MAP2: variants seen among roughly 807,000 people sequenced by gnomAD.
MAP2 encodes microtubule-associated protein 2.
In MAP2, 14 loss-of-function variants were observed where a neutral mutation model predicts 137.6. The ratio of observed to expected loss-of-function variants is 0.10; its 90% confidence interval spans 0.07 to 0.16. The LOEUF (loss-of-function observed/expected upper bound fraction) is 0.16, where lower values mean the gene tolerates loss of function less well. Among genes scored for constraint, MAP2 ranks in the 10% least tolerant of loss-of-function variants. MAP2 has a pLI of 1.00. For missense variants in MAP2, 2,088 were observed against 2,191.5 expected (o/e 0.95, Z 0.94); for synonymous variants, 786 against 782.3 (o/e 1.00, Z -0.08).
rs950277738 is a variant in MAP2, at chr2:209,502,928, C to A, written c.-221-4664C>A. Among the ~76,000 whole-genome samples the A allele has an allele frequency of 3.3e-5, 5 of 151,636 alleles. No individual in the cohort carries two copies. In the East Asian group the frequency reaches 9.7e-4, roughly 29 times the overall value. On this transcript the variant is annotated intron_variant, in intron 1 of 15. Transcript: ENST00000682079. ...CAGGGTCCTTTGCTCATTTTTAAAT[C>A]AGGTTATTTTTATTTATTTGCTTTG...
intron 1 of MAP2, among the ~76,000 whole-genome samples, chr2:209,470,028 A>C (rs1705251789): frequency 6.6e-6 from 1 of 152,192 alleles, no homozygotes; most frequent in South Asian, 2.1e-4. Context: ...GTAGGTCTAC[A>C]TTCTCGACAG....
intron 1 of MAP2, among the ~76,000 whole-genome samples, chr2:209,506,543 CTT>C (rs533527670): frequency 1.7e-3 from 259 of 152,270 alleles, no homozygotes; most frequent in African/African-American, 6.1e-3. Flanking sequence ...AGTTGAGTCT[CTT>C]TTGTCATTTT....
chr2:209,713,562 A>G (rs769624512), intron 13 of MAP2, among the ~76,000 whole-genome samples: 1 of 152,210 alleles, frequency 6.6e-6, no homozygotes, highest in Non-Finnish European at 1.5e-5. Context: ...GATTTAACTC[A>G]AGGCATAGGG....
chr2:209,700,317 A>G lies in MAP2; in HGVS notation c.4563A>G (p.Lys1521=). The G allele has an allele frequency of 6.2e-7, 1 of 1,613,618 alleles. No individual in the cohort carries two copies. The highest frequency in any genetic ancestry group is 8.5e-7 in the Non-Finnish European group (1 of 1,179,660). Residue 1521 remains lysine (K), a synonymous_variant, in exon 11 of 16, where the codon AAA becomes AAG. Coordinates refer to ENST00000682079, the MANE Select transcript of MAP2 (RefSeq NM_001375505.1). Reference sequence around the variant, plus strand: ...CAGCTCTGGCTCCCAGTGTATTTAAACAGGCAAAGGACAAAGTCTCTGTGA... The same window carrying G: ...CAGCTCTGGCTCCCAGTGTATTTAAGCAGGCAAAGGACAAAGTCTCTGTGA... The part of the protein sequence containing the change: ...GESALAPSVF[K]QAKDKVSDGV...
intron 1 of MAP2, among the ~76,000 whole-genome samples, chr2:209,468,096 CTTTT>C (rs3057966): frequency 0.54 from 80,611 of 149,634 alleles, 22,303 homozygotes; most frequent in Middle Eastern, 0.63. Flanking sequence ...GAGATTTTTG[CTTTT>C]TTTTTTCATT....
intron 2 of MAP2, among the ~76,000 whole-genome samples, chr2:209,576,706 T>G (rs1380753803): frequency 1.3e-5 from 2 of 152,196 alleles, no homozygotes; most frequent in South Asian, 2.1e-4. Context: ...TCTAAAATAC[T>G]GTCAGACAGA....
Position 209,678,644 on chromosome 2 carries a change from A to C in MAP2, c.335A>C (p.Lys112Thr). 6.2e-7 allele frequency: 1 copy of C among 1,605,922 alleles called. No individual in the cohort carries two copies. The highest frequency in any genetic ancestry group is 1.1e-5 in the South Asian group (1 of 89,820). Residue 112 changes from lysine to threonine, a missense_variant, in exon 6 of 16, where the codon AAA becomes ACA. Transcript: ENST00000682079. ...GCAGTCCTGAAAGGTGAACAAGAGA[A>C]AGAAGCTCAACATAAAGACCAGACT... ...AVAVLKGEQE[K>T]EAQHKDQTAA...
chr2:209,508,385 T>C (rs1180783744), intron 2 of MAP2, among the ~76,000 whole-genome samples: 1 of 152,068 alleles, frequency 6.6e-6, no homozygotes, highest in Non-Finnish European at 1.5e-5. Flanking sequence ...TGATTAATAA[T>C]TAACATAAAG....
At chr2:209,492,179 T>A (rs1422671983) in intron 1 of MAP2, among the ~76,000 whole-genome samples, 1 of 141,732 alleles carries the variant, frequency 7.1e-6, no homozygotes, top group Non-Finnish European at 1.6e-5. Flanking sequence ...ATAAAACCAA[T>A]GACAAAAAAC....
chr2:209,589,571 T>A (rs2078698389), intron 3 of MAP2, among the ~76,000 whole-genome samples: 1 of 152,192 alleles, frequency 6.6e-6, no homozygotes, highest in African/African-American at 2.4e-5. Context: ...CTTGGATTAG[T>A]GTGGCATGGA....
chr2:209,639,417 T>A (rs928267774), intron 4 of MAP2, among the ~76,000 whole-genome samples: 5 of 152,148 alleles, frequency 3.3e-5, no homozygotes, highest in Non-Finnish European at 7.4e-5. Flanking sequence ...TTAATTTTTT[T>A]GAACATAGAA....
intron 4 of MAP2, among the ~76,000 whole-genome samples, chr2:209,643,219 C>T (rs1581826836): frequency 6.6e-6 from 1 of 152,214 alleles, no homozygotes; most frequent in Non-Finnish European, 1.5e-5. Flanking sequence ...TTAGATTTTC[C>T]AAGACTTTAT....
chr2:209,506,811 A>G (rs1170849894), intron 1 of MAP2, among the ~76,000 whole-genome samples: 5 of 152,328 alleles, frequency 3.3e-5, no homozygotes, highest in Non-Finnish European at 5.9e-5. Context: ...CCCAGGACTA[A>G]AAATCTTCAG....
At chr2:209,478,732 G>A (rs975117702) in intron 1 of MAP2, among the ~76,000 whole-genome samples, 6 of 152,038 alleles carry the variant, frequency 3.9e-5, no homozygotes, top group East Asian at 1.9e-4. Flanking sequence ...ATAAGGTTCC[G>A]CATTTTTATT....
Position 209,489,800 on chromosome 2 carries a change from G to A in MAP2, c.-221-17792G>A, listed in dbSNP as rs563610866. On this transcript the variant is annotated intron_variant, in intron 1 of 15. Coordinates refer to ENST00000682079, the MANE Select transcript of MAP2 (RefSeq NM_001375505.1). ...AAGAAATATGGGACCATGTGAAAAC[G>A]CCAAACCTACAATTGATTGGTGTAT... Among the ~76,000 whole-genome samples the A allele has an allele frequency of 9.6e-4, 146 of 152,188 alleles. 1 individual carries two copies. Among genetic ancestry groups the A allele is most frequent in the Admixed American group, 4.0e-3 (61 of 15,280 alleles).
intron 3 of MAP2, among the ~76,000 whole-genome samples, chr2:209,601,726 G>A (rs2083060184): frequency 6.6e-6 from 1 of 152,106 alleles, no homozygotes; most frequent in African/African-American, 2.4e-5. Context: ...TTCTTGGGAG[G>A]TTGAATCACA....
intron 2 of MAP2, among the ~76,000 whole-genome samples, chr2:209,538,535 C>CTTT (rs1175515630): frequency 1.6e-5 from 2 of 125,370 alleles, no homozygotes; most frequent in South Asian, 2.5e-4. Flanking sequence ...CAGAAGAGTC[C>CTTT]TTTTTTTTTT....
intron 1 of MAP2, among the ~76,000 whole-genome samples, chr2:209,440,409 T>C (rs1697468376): frequency 6.6e-6 from 1 of 151,520 alleles, no homozygotes; most frequent in Non-Finnish European, 1.5e-5. Context: ...GTCTAAAATA[T>C]CCAATTTTTA....
At chr2:209,692,547 C>T in intron 7 of MAP2, 78 bp from the exon 8 acceptor site, 3 of 1,463,204 alleles carry the variant, frequency 2.1e-6, no homozygotes, top group Non-Finnish European at 1.8e-6. Flanking sequence ...TCATTTATCA[C>T]TTCAAAATAT....
Sources: allele counts gnomAD v4.1 joint callset (sites outside exome capture counted in the v4.1 genomes callset), GRCh38; gene constraint gnomAD v4.1.1; transcripts MANE v1.5; gene names NCBI Gene and HGNC (gene_info 2026-07-23, HGNC 2026-07-21).